MAD1L1: variants seen among roughly 807,000 people sequenced by gnomAD.
MAD1L1 encodes mitotic spindle assembly checkpoint protein MAD1.
Under a neutral mutation model 96.9 loss-of-function variants are expected in MAD1L1, and 95 were observed. The ratio of observed to expected loss-of-function variants is 0.98; its 90% CI spans 0.83 to 1.16. MAD1L1 has a LOEUF of 1.16. Ranked by LOEUF, MAD1L1 falls within the 50% of genes most tolerant of loss-of-function variation. The probability of loss-of-function intolerance (pLI) is 0.00; values close to 1 mark genes in which losing one functional copy is unlikely to be tolerated. For missense variants in MAD1L1, 1,007 were observed against 954.4 expected, an observed-to-expected ratio of 1.06 and a Z score of -0.73; for synonymous variants, 473 against 396.6, an observed-to-expected ratio of 1.19 and a Z score of -2.29.
chr7:1,946,543 G>A (rs1779236596), intron 16 of MAD1L1, among the ~76,000 whole-genome samples: 1 of 152,274 alleles, frequency 6.6e-6, no homozygotes, highest in South Asian at 2.1e-4. Flanking sequence ...AAAGTTTGGA[G>A]CCTTCCTTTG....
chr7:2,139,981 T>C (rs564328117), intron 11 of MAD1L1, among the ~76,000 whole-genome samples: 11 of 150,694 alleles, frequency 7.3e-5, no homozygotes, highest in African/African-American at 2.2e-4. Context: ...TGGTCTACTA[T>C]CTGGACCCCG....
At chr7:1,909,716 A>C (rs1231006336) in intron 17 of MAD1L1, among the ~76,000 whole-genome samples, 1 of 152,190 alleles carries the variant, frequency 6.6e-6, no homozygotes, top group Non-Finnish European at 1.5e-5. Context: ...TGGCTTTGGC[A>C]ACAGGAGGAT....
At chr7:2,190,438 C>T (rs1791663240) in intron 10 of MAD1L1, among the ~76,000 whole-genome samples, 1 of 152,106 alleles carries the variant, frequency 6.6e-6, no homozygotes, top group African/African-American at 2.4e-5. Flanking sequence ...ACAAAAAACA[C>T]AAACCATAAA....
Position 2,140,086 on chromosome 7 carries a change from C to T in MAD1L1, c.1073+9066G>A, listed in dbSNP as rs148587146. On this transcript the variant is annotated intron_variant, in intron 11 of 18. Transcript: ENST00000265854. ...AGCCCTCAACTACTTCCCTGCAGGA[C>T]GTGCATCCTTCTGTGACCTGTGCTT... Among the ~76,000 whole-genome samples the T allele has an allele frequency of 1.0e-3, 155 of 152,018 alleles. 3 individuals carry two copies. In the East Asian group the frequency reaches 0.025, roughly 24 times the overall value.
intron 17 of MAD1L1, among the ~76,000 whole-genome samples, chr7:1,917,737 CA>C (rs1186283018): frequency 2.0e-5 from 3 of 152,168 alleles, no homozygotes; most frequent in African/African-American, 7.2e-5. Flanking sequence ...GTGGCTGGCA[CA>C]CGCTGCCCGG....
intron 10 of MAD1L1, among the ~76,000 whole-genome samples, chr7:2,197,428 A>C (rs1362679353): frequency 2.0e-5 from 3 of 152,018 alleles, no homozygotes; most frequent in African/African-American, 4.8e-5. Flanking sequence ...AAGAAACCCC[A>C]CTGCTCTGGA....
chr7:1,881,790 C>T (rs1321293460), intron 18 of MAD1L1, among the ~76,000 whole-genome samples: 1 of 152,206 alleles, frequency 6.6e-6, no homozygotes, highest in African/African-American at 2.4e-5. Context: ...GCAGACACGA[C>T]CCGAGGCCCA....
intron 18 of MAD1L1, among the ~76,000 whole-genome samples, chr7:1,832,788 T>C (rs1583497557): frequency 6.7e-6 from 1 of 148,696 alleles, no homozygotes; most frequent in South Asian, 2.2e-4. Context: ...CGTGCCACCA[T>C]GCCCGGCTAA....
intron 11 of MAD1L1, among the ~76,000 whole-genome samples, chr7:2,088,000 A>G (rs562876701): frequency 6.6e-6 from 1 of 152,322 alleles, no homozygotes; most frequent in Non-Finnish European, 1.5e-5. Flanking sequence ...CCCCTCTCAC[A>G]GCTAACTGGA....
At chr7:2,197,109 C>T (rs887848880) in intron 10 of MAD1L1, among the ~76,000 whole-genome samples, 4 of 152,224 alleles carry the variant, frequency 2.6e-5, no homozygotes, top group African/African-American at 9.6e-5. Flanking sequence ...GGACAGATCC[C>T]TGCCAACCTG....
At chr7:2,225,290 T>C (rs1051981464) in intron 4 of MAD1L1, 120 bp downstream of exon 4, 90 of 839,820 alleles carry the variant, frequency 1.1e-4, no homozygotes, top group Non-Finnish European at 1.3e-4. Flanking sequence ...GCAGGTACCA[T>C]GCACAGCCCC....
intron 16 of MAD1L1, among the ~76,000 whole-genome samples, chr7:1,950,374 G>A (rs557382315): frequency 1.3e-5 from 2 of 152,264 alleles, no homozygotes; most frequent in African/African-American, 2.4e-5. Context: ...CTCGAGGCCC[G>A]CAAGCCCTCA....
rs1249060019 is a variant in MAD1L1, at chr7:1,936,693, C to A, written c.1801G>T (p.Val601Leu). Reference protein sequence around the residue: ...AAASLPSSKEVAELKKQVESA... With the variant: ...AAASLPSSKELAELKKQVESA... The stretch of plus-strand genomic sequence containing the variant: ...GGGGGTGGGGGGTGCCTACCTGCCA[C>A]CTCCTTGGACGATGGCAGACTCGCG... Residue 601 changes from valine to leucine, a missense_variant, in exon 17 of 19, where the codon GTG (valine) becomes TTG (leucine). Physicochemically the swap from Val to Leu is conservative, Grantham distance 32. Coordinates refer to ENST00000265854, the MANE Select transcript of MAD1L1 (RefSeq NM_001013836.2). The A allele has an allele frequency of 6.4e-7, 1 of 1,551,650 alleles. No homozygotes were observed.
intron 17 of MAD1L1, among the ~76,000 whole-genome samples, chr7:1,923,418 G>A (rs1788908297): frequency 6.6e-6 from 1 of 152,130 alleles, no homozygotes. Flanking sequence ...CTTCTACCCT[G>A]ACACCCAGGC....
At position 2,079,005 on chromosome 7, in the gene MAD1L1, G is replaced by A. The variant is rs150790096; in HGVS notation, c.1074-9667C>T. 3.7e-3 allele frequency among the ~76,000 whole-genome samples: 466 copies of A among 127,532 alleles called. 4 individuals carry two copies. Among genetic ancestry groups the A allele is most frequent in the African/African-American group, 0.013 (444 of 33,524 alleles). The allele number at this position is 127,532 out of a possible 152,430, so 83.7% of individuals were successfully genotyped here. ...AACAGCACTGCCACACAGGTGACAC[G>A]TTCCATGTGTCTCTCAGAAGAGGGC... On this transcript the variant is annotated intron_variant, in intron 11 of 18. Coordinates refer to ENST00000265854, the MANE Select transcript of MAD1L1 (RefSeq NM_001013836.2).
rs369675354 is a variant in MAD1L1 at position 2,149,163 on chromosome 7, G to A, written c.1062C>T (p.Ala354=). 2.5e-5 allele frequency: 41 copies of A among 1,613,888 alleles called. No homozygotes were observed. The highest frequency in any genetic ancestry group is 5.0e-5 in the Admixed American group (3 of 59,992). The change falls in exon 11 of 19, where the codon GCC becomes GCT. Residue 354 remains alanine, a synonymous_variant. Transcript: ENST00000265854. ...RELALKDKNS[A]VTSSARGLEK... ...GCGGCCAGGTCTACCTGCTGGTGACGGCGCTGTTCTTGTCCTTCAAGGCAA... is the reference window on the plus strand; with the variant it reads ...GCGGCCAGGTCTACCTGCTGGTGACAGCGCTGTTCTTGTCCTTCAAGGCAA...
chr7:2,197,218 C>T (rs1792036888), intron 10 of MAD1L1, among the ~76,000 whole-genome samples: 1 of 152,198 alleles, frequency 6.6e-6, no homozygotes, highest in South Asian at 2.1e-4. Context: ...TGTGTGCTGC[C>T]AGCACCCACC....
chr7:1,906,468 C>T (rs562784081), intron 17 of MAD1L1, among the ~76,000 whole-genome samples: 1 of 152,372 alleles, frequency 6.6e-6, no homozygotes, highest in East Asian at 1.9e-4. Context: ...GGGCCCTGAG[C>T]CACCCTCCCT....
chr7:1,924,475 C>T (rs945991386), intron 17 of MAD1L1, among the ~76,000 whole-genome samples: 12 of 152,210 alleles, frequency 7.9e-5, no homozygotes, highest in Non-Finnish European at 1.6e-4. Flanking sequence ...GATGGGGAAA[C>T]AGTGTCGATT....
Sources: allele counts gnomAD v4.1 joint callset (sites outside exome capture counted in the v4.1 genomes callset), GRCh38; gene constraint gnomAD v4.1.1; transcripts MANE v1.5; gene names NCBI Gene and HGNC (gene_info 2026-07-23, HGNC 2026-07-21).